Variants in ITGBL1 observed in about 807,000 individuals in gnomAD.
The protein encoded by ITGBL1 is integrin subunit beta like 1.
ITGBL1 carries 51 observed loss-of-function variants against 68.5 expected under a neutral mutation model. That is an observed-to-expected ratio of 0.74 (90% confidence interval 0.59 to 0.94). The LOEUF (loss-of-function observed/expected upper bound fraction) is 0.94, where lower values mean the gene tolerates loss of function less well. Among genes scored for constraint, ITGBL1 ranks in the 40% least tolerant of loss-of-function variants. The probability of loss-of-function intolerance (pLI) is 0.00; values close to 1 mark genes in which losing one functional copy is unlikely to be tolerated. For synonymous variants in ITGBL1, 209 were observed against 227.3 expected (o/e 0.92, Z 0.72); for missense variants, 649 against 647.4 (o/e 1.00, Z -0.03).
intron 7 of ITGBL1, among the ~76,000 whole-genome samples, chr13:101,613,647 T>C (rs188585805): frequency 7.2e-5 from 11 of 152,178 alleles, no homozygotes; most frequent in Admixed American, 6.5e-4. Flanking sequence ...ACTCAAGGGA[T>C]AAAGTTTTCT....
intron 2 of ITGBL1, among the ~76,000 whole-genome samples, chr13:101,481,900 A>G (rs188406734): frequency 1.5e-3 from 221 of 152,260 alleles, no homozygotes; most frequent in African/African-American, 5.0e-3. Flanking sequence ...TAGCGTATCC[A>G]TCACCGCAAA....
intron 2 of ITGBL1, among the ~76,000 whole-genome samples, chr13:101,465,597 TAAG>T (rs2048372583): frequency 6.6e-6 from 1 of 152,162 alleles, no homozygotes; most frequent in Non-Finnish European, 1.5e-5. Context: ...CCCTCTGCCT[TAAG>T]AAGCAGCTTG....
At chr13:101,571,602 C>T (rs2148168) in intron 3 of ITGBL1, among the ~76,000 whole-genome samples, 1 of 151,932 alleles carries the variant, frequency 6.6e-6, no homozygotes, top group Non-Finnish European at 1.5e-5. Context: ...TTCCTCAAAC[C>T]TTGCACCCTG....
chr13:101,687,930 G>A (rs2139543521), intron 7 of ITGBL1, among the ~76,000 whole-genome samples: 1 of 152,036 alleles, frequency 6.6e-6, no homozygotes, highest in Admixed American at 6.6e-5. Context: ...GTATAAAGTA[G>A]CACAGTGCTA....
chr13:101,452,855 A>G lies in ITGBL1; in HGVS notation c.22A>G (p.Asn8Asp), dbSNP rs951738513. Residue 8 changes from asparagine (N) to aspartate (D), a missense_variant, in exon 1 of 11, where the codon AAC becomes GAC. Coordinates refer to ENST00000376180, the MANE Select transcript of ITGBL1 (RefSeq NM_004791.3). ...CAGCATGCGTCCCCCAGGCTTCAGGAACTTCTTGCTGCTGGCGTCCTCCCT... is the reference window on the plus strand; with the variant it reads ...CAGCATGCGTCCCCCAGGCTTCAGGGACTTCTTGCTGCTGGCGTCCTCCCT... Reference protein sequence around the residue: MRPPGFRNFLLLASSLLF... With the variant: MRPPGFRDFLLLASSLLF... The G allele has an allele frequency of 3.7e-6, 6 of 1,613,978 alleles. No individual in the cohort carries two copies. The highest frequency in any genetic ancestry group is 1.3e-5 in the African/African-American group (1 of 74,916).
chr13:101,604,887 T>TACACACACACACAC (rs1555361670), intron 7 of ITGBL1, among the ~76,000 whole-genome samples: 498 of 22,144 alleles, frequency 0.022, 42 homozygotes, highest in South Asian at 0.043. Context: ...TATATATATA[T>TACACACACACACAC]ACACACACAC....
At chr13:101,633,020 C>G (rs1283802050) in intron 7 of ITGBL1, among the ~76,000 whole-genome samples, 1 of 152,172 alleles carries the variant, frequency 6.6e-6, no homozygotes, top group East Asian at 1.9e-4. Flanking sequence ...CTCCCAAGTT[C>G]CCAGGTGATG....
intron 7 of ITGBL1, among the ~76,000 whole-genome samples, chr13:101,621,202 T>C (rs1191349620): frequency 2.0e-5 from 3 of 152,178 alleles, no homozygotes; most frequent in African/African-American, 4.8e-5. Flanking sequence ...TTTGAATAAA[T>C]AGCTTTGTAC....
rs59267168 is a variant in ITGBL1 at position 101,622,915 on chromosome 13, A to ATGTGTGTGTGTGTGTG, written c.1015+24630_1015+24645dup. ...GCTGGGATGTGTGTGTGGGGTATGT[A>ATGTGTGTGTGTGTGTG]TGTGTGTGTGTGTGTGTGTGTGTGT... On this transcript the variant is annotated intron_variant, in intron 7 of 10. Transcript: ENST00000376180. Among the ~76,000 whole-genome samples the ATGTGTGTGTGTGTGTG allele has an allele frequency of 1.6e-3, 236 of 148,510 alleles. 2 individuals carry two copies. Among genetic ancestry groups the ATGTGTGTGTGTGTGTG allele is most frequent in the African/African-American group, 5.7e-3 (230 of 40,342 alleles).
intron 7 of ITGBL1, among the ~76,000 whole-genome samples, chr13:101,677,030 A>C (rs990473165): frequency 6.6e-6 from 1 of 152,102 alleles, no homozygotes; most frequent in East Asian, 1.9e-4. Flanking sequence ...ATGCTGAGGC[A>C]CGAGAATTGC....
At chr13:101,465,952 T>G (rs995655985) in intron 2 of ITGBL1, among the ~76,000 whole-genome samples, 1 of 152,180 alleles carries the variant, frequency 6.6e-6, no homozygotes, top group Non-Finnish European at 1.5e-5. Flanking sequence ...AAGACACTCA[T>G]AACTTTAAGA....
At chr13:101,706,938 G>A (rs748127094) in intron 9 of ITGBL1, 36 bp downstream of exon 9, 2 of 1,597,922 alleles carry the variant, frequency 1.3e-6, no homozygotes, top group East Asian at 2.2e-5. Flanking sequence ...CTCCATTCCT[G>A]TTCTGACACA....
intron 9 of ITGBL1, chr13:101,712,228 A>C (rs544417803): frequency 2.0e-5 from 3 of 152,316 alleles, no homozygotes; most frequent in African/African-American, 7.2e-5. Flanking sequence ...AAAGAATAAC[A>C]CAGCTGGGAA....
At chr13:101,703,538 G>A (rs2034183692) in intron 8 of ITGBL1, among the ~76,000 whole-genome samples, 1 of 152,206 alleles carries the variant, frequency 6.6e-6, no homozygotes, top group Admixed American at 6.5e-5. Context: ...ATCAAGGCAA[G>A]TTGTGCTGTA....
At chr13:101,666,147 T>G (rs2033210881) in intron 7 of ITGBL1, among the ~76,000 whole-genome samples, 1 of 152,256 alleles carries the variant, frequency 6.6e-6, no homozygotes. Flanking sequence ...TGCCCATTAT[T>G]AAGACTGACA....
chr13:101,452,957 T>C (rs765423454), intron 1 of ITGBL1, 26 bp downstream of exon 1: 57 of 1,574,660 alleles, frequency 3.6e-5, no homozygotes, highest in Non-Finnish European at 4.6e-5. Context: ...TATTCTTCAG[T>C]ACAGACCTGC....
chr13:101,618,281 G>A (rs1009001113), intron 7 of ITGBL1, among the ~76,000 whole-genome samples: 1 of 152,116 alleles, frequency 6.6e-6, no homozygotes, highest in African/African-American at 2.4e-5. Flanking sequence ...GCAACAAAAA[G>A]CTATGGTGTT....
chr13:101,680,341 A>G (rs1478202505), intron 7 of ITGBL1, among the ~76,000 whole-genome samples: 1 of 151,802 alleles, frequency 6.6e-6, no homozygotes, highest in Non-Finnish European at 1.5e-5. Flanking sequence ...GTGCTAATCT[A>G]TTTTCTGTTT....
At chr13:101,585,131 A>G (rs999764583) in intron 6 of ITGBL1, among the ~76,000 whole-genome samples, 7 of 152,210 alleles carry the variant, frequency 4.6e-5, no homozygotes, top group African/African-American at 1.7e-4. Flanking sequence ...TTTTATTCTA[A>G]AGGCAATGAG....
Sources: allele counts gnomAD v4.1 joint callset (sites outside exome capture counted in the v4.1 genomes callset), GRCh38; gene constraint gnomAD v4.1.1; transcripts MANE v1.5; gene names NCBI Gene and HGNC (gene_info 2026-07-23, HGNC 2026-07-21).